The following PCF11 variants were observed in gnomAD, a reference collection of about 807,000 sequenced individuals.
PCF11 encodes the protein PCF11 cleavage and polyadenylation factor subunit, also known as pre-mRNA cleavage complex 2 protein Pcf11.
Under a neutral mutation model 166.1 loss-of-function variants are expected in PCF11, and 19 were observed. That is an observed-to-expected ratio of 0.11 (90% CI 0.08 to 0.17). PCF11 has a LOEUF of 0.17. PCF11 is among the 10% of genes least tolerant of loss of function. The probability of loss-of-function intolerance (pLI) is 1.00; values close to 1 mark genes in which losing one functional copy is unlikely to be tolerated. For synonymous variants in PCF11, 663 were observed against 644.1 expected (o/e 1.03, Z -0.44); for missense variants, 1,565 against 1,855.5 (o/e 0.84, Z 2.88).
Position 83,184,668 on chromosome 11 carries a change from T to C in PCF11, c.4453-11T>C, listed in dbSNP as rs1333207106. ...CTTTCATCAGTACTCATAGGGCCTT[T>C]CATTTTGTAGACATCTTCATTTGAT... On this transcript the variant is annotated splice_polypyrimidine_tract_variant and intron_variant, in intron 15 of 15. Coordinates refer to ENST00000298281, the Ensembl canonical transcript of PCF11. 1 of 1,597,680 alleles carries C rather than the reference T, an allele frequency of 6.3e-7. No individual in the cohort carries two copies. The highest frequency in any genetic ancestry group is 1.3e-5 in the African/African-American group (1 of 74,426).
intron 9 of PCF11, among the ~76,000 whole-genome samples, chr11:83,175,296 TA>T (rs1860836999): frequency 6.6e-6 from 1 of 152,140 alleles, no homozygotes; most frequent in Non-Finnish European, 1.5e-5. Context: ...CACAACCGGC[TA>T]ATTTTTGTAT....
exon 16 of PCF11, chr11:83,185,500 A>G (rs1861255696): frequency 6.6e-6 from 1 of 152,510 alleles, no homozygotes; most frequent in East Asian, 1.9e-4. Flanking sequence ...AACCATCCAG[A>G]TGTTCACTTT....
chr11:83,177,021 G>A, intron 9 of PCF11, 64 bp from the exon 10 acceptor site: 1 of 1,212,018 alleles, frequency 8.3e-7, no homozygotes, highest in East Asian at 3.1e-5. Flanking sequence ...AGTATAATTT[G>A]CATCTTTAAG....
At chr11:83,166,847 G>T in intron 5 of PCF11, 133 bp downstream of exon 5, 1 of 776,138 alleles carries the variant, frequency 1.3e-6, no homozygotes, top group Non-Finnish European at 2.1e-6. Context: ...ATCTCTGTGG[G>T]TTAAATACTA....
At chr11:83,177,807 A>C in exon 11 of PCF11, 1 of 1,478,284 alleles carries the variant, frequency 6.8e-7, no homozygotes, top group Non-Finnish European at 9.2e-7. Context: ...TTTACAGTTG[A>C]AGAATTGAAA....
intron 1 of PCF11, 74 bp from the exon 2 acceptor site, chr11:83,161,251 GGT>G: frequency 8.3e-7 from 1 of 1,211,080 alleles, no homozygotes; most frequent in Non-Finnish European, 1.2e-6. Flanking sequence ...CTGTATTGTA[GGT>G]TTAAAAACTC....
At chr11:83,160,455 G>A (rs1261994334) in intron 1 of PCF11, among the ~76,000 whole-genome samples, 1 of 150,608 alleles carries the variant, frequency 6.6e-6, no homozygotes, top group African/African-American at 2.5e-5. Context: ...ATGCTTTCTG[G>A]AAGCTTGCTG....
exon 8 of PCF11, chr11:83,169,986 A>G: frequency 6.3e-7 from 1 of 1,584,978 alleles, no homozygotes; most frequent in South Asian, 1.2e-5. Flanking sequence ...ATATTCAGGC[A>G]TCTCAACAGG....
chr11:83,162,251 G>C, intron 2 of PCF11, among the ~76,000 whole-genome samples: 1 of 152,152 alleles, frequency 6.6e-6, no homozygotes. Flanking sequence ...GTCAATATTT[G>C]GTGGTAGTTA....
intron 11 of PCF11, chr11:83,180,652 G>A (rs1369759435): frequency 6.3e-6 from 1 of 158,348 alleles, no homozygotes; most frequent in African/African-American, 2.4e-5. Flanking sequence ...ATCTAGAGAG[G>A]TGAAATTTAA....
chr11:83,171,506 T>C (rs1860689486), intron 8 of PCF11, among the ~76,000 whole-genome samples: 1 of 152,236 alleles, frequency 6.6e-6, no homozygotes, highest in African/African-American at 2.4e-5. Flanking sequence ...AGTTACCTTA[T>C]ATTTGCATGG....
chr11:83,186,658 A>C (rs1819399626), exon 16 of PCF11: 1 of 152,142 alleles, frequency 6.6e-6, no homozygotes, highest in African/African-American at 2.4e-5. Flanking sequence ...AAGCTTTTTT[A>C]TTTTTTTAAG....
At chr11:83,178,325 A>G (rs976576423) in intron 11 of PCF11, among the ~76,000 whole-genome samples, 1 of 151,924 alleles carries the variant, frequency 6.6e-6, no homozygotes, top group Admixed American at 6.6e-5. Context: ...TGGTCCCTCA[A>G]AATTTTCATT....
At chr11:83,172,635 C>T (rs1181325091) in intron 9 of PCF11, among the ~76,000 whole-genome samples, 15 of 152,098 alleles carry the variant, frequency 9.9e-5, no homozygotes, top group South Asian at 2.1e-4. Context: ...AGGCTGGTCT[C>T]GAGCTCCTGA....
exon 8 of PCF11, chr11:83,169,963 A>T: frequency 6.2e-7 from 1 of 1,601,112 alleles, no homozygotes; most frequent in Non-Finnish European, 8.5e-7. Context: ...ACCTGCTCCA[A>T]TGACAGTAGG....
chr11:83,169,338 A>G, exon 8 of PCF11: 1 of 1,613,594 alleles, frequency 6.2e-7, no homozygotes, highest in Non-Finnish European at 8.5e-7. Context: ...CTTTAGTCCA[A>G]CAAGGAGGTG....
Position 83,181,005 on chromosome 11 carries a change from T to C in PCF11, c.3984-3T>C. On this transcript the variant is annotated splice_polypyrimidine_tract_variant and splice_region_variant and intron_variant, in intron 11 of 15. Coordinates refer to ENST00000298281, the Ensembl canonical transcript of PCF11. ...ACTAAAGATTATTTCTTTTTCAAAA[T>C]AGACGTTATGACAGTGTTATAAATC... 1.3e-6 allele frequency: 2 copies of C among 1,505,218 alleles called. No homozygotes were observed. Among genetic ancestry groups the C allele is most frequent in the Non-Finnish European group, 1.8e-6 (2 of 1,103,948 alleles). 93.2% of individuals were successfully genotyped at this position (1,505,218 alleles called of 1,614,324 possible). A position where few individuals can be genotyped will look rare whatever the true frequency, so the allele number is the denominator to read the frequency against.
chr11:83,161,535 T>C (rs1196852390), intron 2 of PCF11, 83 bp downstream of exon 2: 3 of 1,062,950 alleles, frequency 2.8e-6, no homozygotes, highest in Non-Finnish European at 4.0e-6. Flanking sequence ...GTGTTGGGTT[T>C]TCTTGGGTGG....
intron 9 of PCF11, 100 bp from the exon 10 acceptor site, chr11:83,176,985 C>T (rs1245590135): frequency 1.3e-6 from 1 of 783,552 alleles, no homozygotes; most frequent in South Asian, 4.6e-5. Context: ...GGCAGGACAT[C>T]TTGAAGAAAA....
Sources: gnomAD v4.1 joint callset for allele counts (sites outside exome capture counted in the v4.1 genomes callset) on GRCh38, gnomAD v4.1.1 for gene constraint, MANE v1.5 for transcripts, NCBI Gene and HGNC (gene_info 2026-07-23, HGNC 2026-07-21) for gene names.